Variants in UPF3B observed in about 807,000 individuals in gnomAD.
UPF3B encodes the protein regulator of nonsense transcripts 3B.
A neutral mutation model predicts 40.3 loss-of-function variants in UPF3B; 7 were observed. The observed-to-expected ratio is 0.17, with a 90% CI of 0.10 to 0.33. The LOEUF is 0.33. UPF3B is among the 10% of genes least tolerant of loss of function. UPF3B has a pLI of 1.00. For missense variants in UPF3B, 229 were observed against 358.9 expected, an observed-to-expected ratio of 0.64 and a Z score of 2.93; for synonymous variants, 117 against 117.3, an observed-to-expected ratio of 1.00 and a Z score of 0.01.
intron 6 of UPF3B, 148 bp downstream of exon 6, chrX:119,841,587 G>A: frequency 1.6e-6 from 1 of 622,557 alleles, no homozygotes; most frequent in Non-Finnish European, 2.6e-6. Context: ...GCAGGCTAGA[G>A]AGTGAGACCA....
chrX:119,815,175 C>G, intron 5 of UPF3B: 10 of 748,367 alleles, frequency 1.3e-5, no homozygotes, highest in Non-Finnish European at 1.6e-5. Flanking sequence ...CTCTCCTCTT[C>G]TTTTGTATGG....
intron 6 of UPF3B, among the ~76,000 whole-genome samples, chrX:119,806,058 C>T (rs1161777389): frequency 1.3e-5 from 1 of 78,528 alleles, no homozygotes; most frequent in African/African-American, 4.8e-5. Context: ...GCATTATTCA[C>T]AATAGCAAAG....
chrX:119,842,605 T>TACACACACACACACACACACAC (rs543555558), intron 5 of UPF3B, among the ~76,000 whole-genome samples: 4 of 91,390 alleles, frequency 4.4e-5, no homozygotes, highest in African/African-American at 1.7e-4. Context: ...CACACACACA[T>TACACACACACACACACACACAC]ACACACACAC....
At chrX:119,820,541 C>T (rs773044456) in intron 4 of UPF3B, among the ~76,000 whole-genome samples, 7 of 109,100 alleles carry the variant, frequency 6.4e-5, no homozygotes, top group Non-Finnish European at 1.3e-4. Flanking sequence ...CTCACTGGAA[C>T]CTCTGCCACT....
chrX:119,845,928 T>C (rs5909661), intron 3 of UPF3B, among the ~76,000 whole-genome samples: 9 of 102,785 alleles, frequency 8.8e-5, no homozygotes, highest in Admixed American at 3.1e-4. Context: ...TGATTGTATA[T>C]ATTTCATAAT....
downstream of UPF3B, chrX:119,833,916 G>T: frequency 1.9e-6 from 1 of 513,358 alleles, no homozygotes; most frequent in Non-Finnish European, 2.4e-6. Flanking sequence ...TCTGCCATGA[G>T]TTAAAGCTCC....
rs749041575 is a variant in UPF3B at position 119,815,971 on chromosome X, G to A, written c.495-664C>T. On this transcript the variant is annotated intron_variant, in intron 4 of 6. Coordinates refer to the UPF3B transcript ENST00000636792. ...TAATTTTTGTATTTTTAGTAGAGAC[G>A]GGGTTTCACCACGTAGGCCAGGTTC... Among the ~76,000 whole-genome samples the A allele has an allele frequency of 7.2e-5, 8 of 111,075 alleles. No individual in the cohort carries two copies. The South Asian group carries it at 1.9e-3, about 27-fold the overall frequency.
chrX:119,831,469 C>T (rs2056035972), downstream of UPF3B, among the ~76,000 whole-genome samples: 1 of 111,056 alleles, frequency 9.0e-6, no homozygotes, highest in African/African-American at 3.3e-5. Flanking sequence ...CAGGCACCTG[C>T]CCCGACACCC....
In UPF3B at chrX:119,837,109, G is replaced by A. The variant is rs1336754744; in HGVS notation, c.1302+648C>T. The stretch of plus-strand genomic sequence containing the variant: ...CAGGTGTGCGCCACCACATCCAGCC[G>A]ATTTTTTGTATTTTTAGTAGAGACG... On this transcript the variant is annotated intron_variant, in intron 10 of 10. Coordinates refer to ENST00000276201, the MANE Select transcript of UPF3B (RefSeq NM_080632.3). 1.1e-4 allele frequency among the ~76,000 whole-genome samples: 12 copies of A among 104,983 alleles called. No homozygotes were observed. In the South Asian group the frequency reaches 2.7e-3, roughly 23 times the overall value. The allele number at this position is 104,983 out of a possible 115,157, so 91.2% of individuals were successfully genotyped here. A position where few individuals can be genotyped will look rare whatever the true frequency, so the allele number is the denominator to read the frequency against.
downstream of UPF3B, chrX:119,831,555 G>T: frequency 3.7e-6 from 1 of 267,651 alleles, no homozygotes; most frequent in Non-Finnish European, 5.2e-6. Context: ...CTGACCTCAT[G>T]CGATCTGCCC....
intron 3 of UPF3B, among the ~76,000 whole-genome samples, chrX:119,849,424 C>T (rs779311956): frequency 8.5e-5 from 9 of 106,155 alleles, no homozygotes; most frequent in Non-Finnish European, 1.7e-4. Context: ...ACCCAGGAGG[C>T]GGAGGTTGTA....
At position 119,834,516 on chromosome X, in the gene UPF3B, T is replaced by C; in HGVS notation, c.*362A>G. ...CTCCACCCAAATTCAGAAAATTCAATTCAGGATGAACAACAGCTTTTGATT... is the reference window on the plus strand; with the variant it reads ...CTCCACCCAAATTCAGAAAATTCAACTCAGGATGAACAACAGCTTTTGATT... On this transcript the variant is annotated 3_prime_UTR_variant, in exon 11 of 11. Coordinates refer to ENST00000276201, the MANE Select transcript of UPF3B (RefSeq NM_080632.3). 3.4e-6 allele frequency: 3 copies of C among 888,172 alleles called. No individual in the cohort carries two copies. Among genetic ancestry groups the C allele is most frequent in the Non-Finnish European group, 4.2e-6 (3 of 722,824 alleles). The allele number at this position is 888,172 out of a possible 1,213,427, so 73.2% of individuals were successfully genotyped here.
In UPF3B at chrX:119,845,302, T is replaced by C. The variant is rs764195394; in HGVS notation, c.371-6A>G. 1.7e-6 allele frequency: 2 copies of C among 1,186,875 alleles called. No individual in the cohort carries two copies. The highest frequency in any genetic ancestry group is 2.3e-6 in the Non-Finnish European group (2 of 875,842). ...TATAGCGGGATATTCCTGACCTGTTTAGAAAAAAAATACCACACTTGCTAT... is the reference window on the plus strand; with the variant it reads ...TATAGCGGGATATTCCTGACCTGTTCAGAAAAAAAATACCACACTTGCTAT... On this transcript the variant is annotated splice_polypyrimidine_tract_variant and splice_region_variant and intron_variant, in intron 3 of 10. Transcript: ENST00000276201.
chrX:119,813,865 A>C (rs771730052), intron 5 of UPF3B, among the ~76,000 whole-genome samples: 4 of 110,613 alleles, frequency 3.6e-5, no homozygotes, highest in Non-Finnish European at 7.6e-5. Context: ...TGCCTGGCCA[A>C]ACTTCTTTTC....
chrX:119,838,069 C>A lies in UPF3B; in HGVS notation c.1008-18G>T. On this transcript the variant is annotated intron_variant, in intron 9 of 10. Coordinates refer to ENST00000276201, the MANE Select transcript of UPF3B (RefSeq NM_080632.3). ...CTTCAGGTCTGCATGAAAAACAAATCTGAGACAGAACCCTGAAAGATCTTG... is the reference window on the plus strand; with the variant it reads ...CTTCAGGTCTGCATGAAAAACAAATATGAGACAGAACCCTGAAAGATCTTG... 4.1e-6 allele frequency: 5 copies of A among 1,208,615 alleles called. No homozygotes were observed. Among genetic ancestry groups the A allele is most frequent in the Non-Finnish European group, 5.6e-6 (5 of 894,293 alleles).
intron 3 of UPF3B, among the ~76,000 whole-genome samples, chrX:119,824,873 T>C (rs2055964946): frequency 9.4e-6 from 1 of 106,724 alleles, no homozygotes; most frequent in Non-Finnish European, 1.9e-5. Context: ...TTCCAGCAAT[T>C]CTCCTGCCTC....
At position 119,811,881 on chromosome X, in the gene UPF3B, G is replaced by T. The variant is rs990299356; in HGVS notation, c.602+3319C>A. ...GTGGGAGGATCAACTGAACCCAGAA[G>T]GTCAAGGCTGCAGTGAGCCGTGATT... On this transcript the variant is annotated intron_variant, in intron 5 of 6. Transcript: ENST00000636792. Among the ~76,000 whole-genome samples, 6 of 111,225 alleles carry T rather than the reference G, an allele frequency of 5.4e-5. 1 individual carries two copies. Among genetic ancestry groups the T allele is most frequent in the Non-Finnish European group, 1.1e-4 (6 of 52,988 alleles).
At chrX:119,824,670 C>T (rs2055960781) in intron 3 of UPF3B, among the ~76,000 whole-genome samples, 2 of 111,139 alleles carry the variant, frequency 1.8e-5, no homozygotes, top group African/African-American at 6.5e-5. Context: ...GGTGTTCATC[C>T]TTCTAGAGCT....
intron 3 of UPF3B, among the ~76,000 whole-genome samples, chrX:119,848,281 C>CAAAAAA (rs144679153): frequency 6.7e-4 from 16 of 23,854 alleles, no homozygotes; most frequent in African/African-American, 1.8e-3. Flanking sequence ...GACTCCATCT[C>CAAAAAA]AAAAAAAAAA....
Sources: allele counts gnomAD v4.1 joint callset (sites outside exome capture counted in the v4.1 genomes callset), GRCh38; gene constraint gnomAD v4.1.1; transcripts MANE v1.5; gene names NCBI Gene and HGNC (gene_info 2026-07-23, HGNC 2026-07-21).